EYA3: variants seen among roughly 807,000 people sequenced by gnomAD.
EYA3 encodes EYA transcriptional coactivator and phosphatase 3, also known as protein phosphatase EYA3.
Under a neutral mutation model 80.0 loss-of-function variants are expected in EYA3, and 39 were observed. The observed-to-expected ratio is 0.49, with a 90% CI of 0.38 to 0.64. EYA3 has a LOEUF of 0.64. Among genes scored for constraint, EYA3 ranks in the 30% least tolerant of loss-of-function variants. The probability of loss-of-function intolerance (pLI) is 0.00; values close to 1 mark genes in which losing one functional copy is unlikely to be tolerated. For missense variants in EYA3, 523 were observed against 676.1 expected (o/e 0.77, Z 2.51); for synonymous variants, 206 against 232.8 (o/e 0.88, Z 1.05).
At position 27,974,282 on chromosome 1, in the gene EYA3, G is replaced by T; in HGVS notation, c.*184C>A. On this transcript the variant is annotated 3_prime_UTR_variant, in exon 18 of 18. Transcript: ENST00000373871. ...GACAGAGAGAGAGAGAGAGAGAGAG[G>T]CAGAGAGGGAGGGAGAGAGGAAGGG... 2 of 412,472 alleles carry T rather than the reference G, an allele frequency of 4.8e-6. No individual in the cohort carries two copies. Among genetic ancestry groups the T allele is most frequent in the Non-Finnish European group, 4.5e-6 (1 of 224,098 alleles). 25.6% of individuals were successfully genotyped at this position (412,472 alleles called of 1,614,324 possible).
chr1:28,055,525 C>T (rs1644407494), intron 2 of EYA3, among the ~76,000 whole-genome samples: 1 of 141,618 alleles, frequency 7.1e-6, no homozygotes, highest in African/African-American at 2.7e-5. Context: ...GGCTGGAGTG[C>T]ACTGGCACAA....
At chr1:27,993,063 CA>C (rs374229824) in intron 14 of EYA3, among the ~76,000 whole-genome samples, 4,074 of 142,758 alleles carry the variant, frequency 0.029, 81 homozygotes, top group Non-Finnish European at 0.042. Context: ...ATAAACCAGC[CA>C]AAAAAAAAAA....
At chr1:27,990,028 T>C (rs892978888) in intron 14 of EYA3, 6 of 232,338 alleles carry the variant, frequency 2.6e-5, no homozygotes, top group African/African-American at 9.2e-5. Context: ...CTGCTGTATA[T>C]AGGGGTGGGG....
At chr1:28,048,345 A>G (rs1571892501) in intron 3 of EYA3, 38 bp downstream of exon 3, 1 of 1,505,110 alleles carries the variant, frequency 6.6e-7, no homozygotes, top group East Asian at 2.3e-5. Flanking sequence ...AACAAAACTT[A>G]TGAGTAGTTC....
intron 5 of EYA3, 126 bp from the exon 6 acceptor site, chr1:28,035,806 G>A: frequency 1.1e-6 from 1 of 910,000 alleles, no homozygotes; most frequent in Non-Finnish European, 1.7e-6. Context: ...CACATAAAAT[G>A]GCTCTTTTCA....
intron 7 of EYA3, among the ~76,000 whole-genome samples, chr1:28,018,891 C>T (rs776518781): frequency 6.6e-5 from 10 of 152,178 alleles, no homozygotes; most frequent in Non-Finnish European, 1.2e-4. Flanking sequence ...TGGCCAGGTG[C>T]GTGGTGGCTC....
chr1:28,060,211 TA>T (rs1183690551), intron 1 of EYA3, among the ~76,000 whole-genome samples: 2 of 152,218 alleles, frequency 1.3e-5, no homozygotes, highest in African/African-American at 4.8e-5. Context: ...GAATAATTGT[TA>T]AAAAATATTT....
chr1:27,974,367 C>CAG lies in EYA3; in HGVS notation c.*97_*98dup, dbSNP rs1638839097. Reference sequence around the variant, plus strand: ...AGAGAGAGAGATAGAGACAGAGACACAGAGAGAGACAGACAGAGAAAGTTC... The same window carrying CAG: ...AGAGAGAGAGATAGAGACAGAGACACAGAGAGAGAGACAGACAGAGAAAGTTC... On this transcript the variant is annotated 3_prime_UTR_variant, in exon 18 of 18. Coordinates refer to ENST00000373871, the MANE Select transcript of EYA3 (RefSeq NM_001990.4). 2 of 794,232 alleles carry CAG rather than the reference C, an allele frequency of 2.5e-6. No individual in the cohort carries two copies. Among genetic ancestry groups the CAG allele is most frequent in the South Asian group, 3.4e-5 (2 of 59,086 alleles). 49.2% of individuals were successfully genotyped at this position (794,232 alleles called of 1,614,324 possible). A position where few individuals can be genotyped will look rare whatever the true frequency, so the allele number is the denominator to read the frequency against.
chr1:28,047,296 C>G (rs527687039), intron 3 of EYA3, among the ~76,000 whole-genome samples: 49 of 152,150 alleles, frequency 3.2e-4, no homozygotes, highest in African/African-American at 1.1e-3. Flanking sequence ...CCACGCCGAG[C>G]TAATTTTTGT....
At chr1:27,988,775 T>A (rs1302254376) in intron 15 of EYA3, 119 bp from the exon 16 acceptor site, 1 of 1,136,746 alleles carries the variant, frequency 8.8e-7, no homozygotes, top group Non-Finnish European at 1.3e-6. Flanking sequence ...GGACCTGGTA[T>A]TATACTGTTC....
chr1:28,059,155 A>G (rs1041880739), intron 1 of EYA3, among the ~76,000 whole-genome samples: 4 of 152,186 alleles, frequency 2.6e-5, no homozygotes, highest in African/African-American at 4.8e-5. Context: ...TCGTGTTGCA[A>G]TACAACACAA....
chr1:28,031,816 G>A (rs965388927), intron 6 of EYA3: 4 of 151,932 alleles, frequency 2.6e-5, no homozygotes, highest in East Asian at 1.9e-4. Flanking sequence ...TTTTTAAAAC[G>A]TCTGTAGGAA....
At chr1:28,084,357 C>G (rs1008654733) in intron 1 of EYA3, among the ~76,000 whole-genome samples, 1 of 151,456 alleles carries the variant, frequency 6.6e-6, no homozygotes, top group Admixed American at 6.6e-5. Context: ...GCTATGTTAT[C>G]TGACAGTAAA....
chr1:28,001,925 A>C (rs1252757318), intron 11 of EYA3, among the ~76,000 whole-genome samples: 2 of 143,788 alleles, frequency 1.4e-5, no homozygotes, highest in Non-Finnish European at 3.0e-5. Context: ...TATTTTATTT[A>C]TTTTTTTGAG....
chr1:28,058,240 T>C (rs1257931030), intron 1 of EYA3, 146 bp from the exon 2 acceptor site: 1 of 416,118 alleles, frequency 2.4e-6, no homozygotes, highest in East Asian at 3.4e-5. Context: ...CACGTGGCTT[T>C]TCAAAAATGA....
chr1:27,987,606 G>GT (rs762351183), intron 16 of EYA3, among the ~76,000 whole-genome samples: 109 of 151,768 alleles, frequency 7.2e-4, no homozygotes, highest in Non-Finnish European at 1.3e-3. Context: ...ATGCACCACC[G>GT]TGTCTATCAA....
At chr1:28,041,418 T>C (rs1256954154) in intron 4 of EYA3, among the ~76,000 whole-genome samples, 1 of 151,956 alleles carries the variant, frequency 6.6e-6, no homozygotes, top group African/African-American at 2.4e-5. Flanking sequence ...CTGGGCATGG[T>C]GGCATGCGCC....
At chr1:28,036,505 G>A (rs1643463108) in intron 5 of EYA3, among the ~76,000 whole-genome samples, 1 of 152,158 alleles carries the variant, frequency 6.6e-6, no homozygotes, top group Non-Finnish European at 1.5e-5. Flanking sequence ...AAGTAGAGAT[G>A]GGTTCCAATA....
At chr1:28,032,510 T>G (rs2148838189) in intron 6 of EYA3, among the ~76,000 whole-genome samples, 1 of 152,256 alleles carries the variant, frequency 6.6e-6, no homozygotes, top group East Asian at 1.9e-4. Flanking sequence ...TCCTTAAGGC[T>G]CTTAATGCAT....
Sources: gnomAD v4.1 joint callset for allele counts (sites outside exome capture counted in the v4.1 genomes callset) on GRCh38, gnomAD v4.1.1 for gene constraint, MANE v1.5 for transcripts, NCBI Gene and HGNC (gene_info 2026-07-23, HGNC 2026-07-21) for gene names.